The following IL3RA variants were observed in gnomAD, a reference collection of about 807,000 sequenced individuals.
IL3RA encodes the protein interleukin 3 receptor subunit alpha.
IL3RA carries 73 observed loss-of-function variants against 52.3 expected under a neutral mutation model. The observed-to-expected ratio is 1.40, with a 90% confidence interval of 1.16 to 1.70. The LOEUF is 1.70. Among genes scored for constraint, IL3RA ranks in the 40% most tolerant of loss-of-function variants. The pLI, the probability that IL3RA is intolerant of heterozygous loss-of-function variation, is 0.00. For missense variants in IL3RA, 664 were observed against 504.4 expected (o/e 1.32, Z -3.03); for synonymous variants, 260 against 194.0 (o/e 1.34, Z -2.83).
intron 1 of IL3RA, among the ~76,000 whole-genome samples, chrX:1,339,854 G>C (rs1210784412): frequency 6.6e-6 from 1 of 151,952 alleles, no homozygotes; most frequent in African/African-American, 2.4e-5. Flanking sequence ...CCAGAGCACA[G>C]TGTAGGAGAG....
chrX:1,380,891 T>TAG (rs2089146964), intron 10 of IL3RA, 132 bp from the exon 11 acceptor site: 2 of 757,436 alleles, frequency 2.6e-6, no homozygotes, highest in Non-Finnish European at 4.6e-6. Context: ...GCCGGGAAAA[T>TAG]AGAGACCCCT....
At chrX:1,356,170 G>C in intron 6 of IL3RA, 51 bp from the exon 7 acceptor site, 7 of 1,139,840 alleles carry the variant, frequency 6.1e-6, no homozygotes, top group Non-Finnish European at 9.0e-6. Flanking sequence ...AAAAGAAAAA[G>C]AATTGATTTC....
chrX:1,337,846 A>G (rs1229588196), intron 1 of IL3RA, among the ~76,000 whole-genome samples: 304 of 150,804 alleles, frequency 2.0e-3, no homozygotes, highest in African/African-American at 7.2e-3. Context: ...TTTATTCACA[A>G]TAGCCAAGAG....
chrX:1,344,075 T>C (rs1286217154), intron 2 of IL3RA, among the ~76,000 whole-genome samples: 1 of 151,672 alleles, frequency 6.6e-6, no homozygotes, highest in Non-Finnish European at 1.5e-5. Context: ...ATGACGGGCG[T>C]GAGCCACCAC....
Position 1,365,239 on chromosome X carries a change from C to T in IL3RA, c.861C>T (p.Thr287=). The part of the protein sequence containing the change: ...RVYEFLSAWS[T]PQRFECDQEE... The stretch of plus-strand genomic sequence containing the variant: ...ATGAATTCTTGAGCGCCTGGAGCAC[C>T]CCCCAGCGCTTCGGTGAGTGGGCTG... Residue 287 remains threonine, a synonymous_variant, in exon 9 of 12, where the codon ACC becomes ACT. Transcript: ENST00000331035. 6.2e-7 allele frequency: 1 copy of T among 1,607,912 alleles called. No homozygotes were observed. Among genetic ancestry groups the T allele is most frequent in the Non-Finnish European group, 8.5e-7 (1 of 1,176,832 alleles).
chrX:1,380,046 CA>C (rs2089067649), intron 10 of IL3RA, among the ~76,000 whole-genome samples: 1 of 152,104 alleles, frequency 6.6e-6, no homozygotes, highest in Non-Finnish European at 1.5e-5. Context: ...AGGCGTGAGC[CA>C]CCATGCCCGG....
intron 9 of IL3RA, among the ~76,000 whole-genome samples, chrX:1,376,688 C>A (rs1318707158): frequency 3.4e-5 from 5 of 145,580 alleles, no homozygotes; most frequent in African/African-American, 5.3e-5. Context: ...TCAGGAGGAA[C>A]CAGCCCTGCC....
chrX:1,340,750 A>G (rs7053881), intron 1 of IL3RA, among the ~76,000 whole-genome samples: 13,109 of 152,124 alleles, frequency 0.086, 688 homozygotes, highest in African/African-American at 0.15. Context: ...CTTGGCGAGG[A>G]AAAGGCGGGC....
intron 7 of IL3RA, 46 bp downstream of exon 7, chrX:1,356,382 C>A: frequency 7.8e-7 from 1 of 1,288,412 alleles, no homozygotes; most frequent in South Asian, 1.3e-5. Flanking sequence ...CGTGGACATC[C>A]CTTATTTTTG....
chrX:1,344,516 T>G (rs1156464040), intron 2 of IL3RA, among the ~76,000 whole-genome samples: 5 of 151,776 alleles, frequency 3.3e-5, no homozygotes, highest in East Asian at 3.9e-4. Context: ...GGCTCATGCT[T>G]GTAATCCCAG....
At position 1,365,251 on chromosome X, in the gene IL3RA, CGGTGAGTGGGCTGTGCGGGGTGCGCGG is replaced by C. The variant is rs755818857; in HGVS notation, c.874+6_874+32del. The C allele has an allele frequency of 7.7e-5, 113 of 1,475,528 alleles. No individual in the cohort carries two copies. The African/African-American group carries it at 1.5e-3, about 20-fold the overall frequency. The allele number at this position is 1,475,528 out of a possible 1,614,324, so 91.4% of individuals were successfully genotyped here. On this transcript the variant is annotated splice_donor_variant and splice_donor_5th_base_variant and coding_sequence_variant and intron_variant, in exon 9 of 12. Coordinates refer to ENST00000331035, the MANE Select transcript of IL3RA (RefSeq NM_002183.4). LOFTEE classifies it high-confidence loss of function. ...GCGCCTGGAGCACCCCCCAGCGCTT[CGGTGAGTGGGCTGTGCGGGGTGCGCGG>C]GGTGAGCGGGGTGAGCGGGGTGCGC...
intron 9 of IL3RA, among the ~76,000 whole-genome samples, chrX:1,368,674 G>A (rs1162094630): frequency 6.6e-6 from 1 of 151,924 alleles, no homozygotes; most frequent in African/African-American, 2.4e-5. Flanking sequence ...AGGAGATGAG[G>A]ACACAGACAC....
At chrX:1,356,697 A>G (rs2086748768) in intron 7 of IL3RA, among the ~76,000 whole-genome samples, 1 of 151,058 alleles carries the variant, frequency 6.6e-6, no homozygotes, top group Non-Finnish European at 1.5e-5. Context: ...GCTTGAACCC[A>G]GGAGGTGGGG....
intron 9 of IL3RA, among the ~76,000 whole-genome samples, chrX:1,368,771 C>T (rs2088394364): frequency 7.0e-6 from 1 of 142,118 alleles, no homozygotes; most frequent in Non-Finnish European, 1.5e-5. Flanking sequence ...CAGCACTGCC[C>T]ACACCTGGAT....
intron 7 of IL3RA, among the ~76,000 whole-genome samples, chrX:1,358,355 A>G (rs1448558371): frequency 1.3e-5 from 2 of 151,862 alleles, no homozygotes; most frequent in Admixed American, 6.6e-5. Context: ...GTCTTGCCAC[A>G]GTGGCCCATA....
chrX:1,356,851 A>C (rs2086771006), intron 7 of IL3RA, among the ~76,000 whole-genome samples: 1 of 151,292 alleles, frequency 6.6e-6, no homozygotes, highest in South Asian at 2.1e-4. Context: ...GTGGTTTTTT[A>C]ATTTTTTCTT....
chrX:1,348,693 TTTC>T (rs2085921710), intron 4 of IL3RA, 148 bp downstream of exon 4: 1 of 431,710 alleles, frequency 2.3e-6, no homozygotes, highest in Non-Finnish European at 4.0e-6. Context: ...TTTCTTTCTT[TTTC>T]TTTCTTTCTG....
intron 7 of IL3RA, among the ~76,000 whole-genome samples, chrX:1,357,134 A>G (rs1236754598): frequency 6.6e-6 from 1 of 151,982 alleles, no homozygotes; most frequent in East Asian, 1.9e-4. Context: ...TTGTATTTTT[A>G]GTAGAAACAG....
At chrX:1,348,099 C>T (rs1336777009) in intron 3 of IL3RA, among the ~76,000 whole-genome samples, 17 of 149,652 alleles carry the variant, frequency 1.1e-4, no homozygotes, top group Non-Finnish European at 1.5e-4. Flanking sequence ...GTAATCCCAG[C>T]ACTTTGGGAG....
Sources: allele counts gnomAD v4.1 joint callset (sites outside exome capture counted in the v4.1 genomes callset), GRCh38; gene constraint gnomAD v4.1.1; transcripts MANE v1.5; gene names NCBI Gene and HGNC (gene_info 2026-07-23, HGNC 2026-07-21).